Variants in CNTNAP2 observed in about 807,000 individuals in gnomAD.
CNTNAP2 encodes contactin associated protein 2.
CNTNAP2 carries 98 observed loss-of-function variants against 155.2 expected under a neutral mutation model. That is an observed-to-expected ratio of 0.63 (90% CI 0.54 to 0.75). CNTNAP2 has a LOEUF of 0.75. CNTNAP2 is among the 30% of genes least tolerant of loss of function. The pLI is 0.00. For missense variants in CNTNAP2, 1,727 were observed against 1,688.1 expected, an observed-to-expected ratio of 1.02 and a Z score of -0.40; for synonymous variants, 651 against 631.2, an observed-to-expected ratio of 1.03 and a Z score of -0.47.
intron 20 of CNTNAP2, among the ~76,000 whole-genome samples, chr7:148,251,004 T>G (rs1422684678): frequency 6.6e-6 from 1 of 152,156 alleles, no homozygotes; most frequent in Admixed American, 6.5e-5. Flanking sequence ...TGCACCACCA[T>G]GCTCAGCCCA....
chr7:146,586,400 A>G (rs181718899), intron 1 of CNTNAP2, among the ~76,000 whole-genome samples: 18 of 152,252 alleles, frequency 1.2e-4, no homozygotes, highest in Non-Finnish European at 2.6e-4. Context: ...CAAAATCTCT[A>G]CCTACTGAAA....
In CNTNAP2 at chr7:147,775,323, TTATATATATTTATAA is replaced by T. The variant is rs1563084553; in HGVS notation, c.2099-128241_2099-128227del. Among the ~76,000 whole-genome samples, 58 of 29,746 alleles carry T rather than the reference TTATATATATTTATAA, an allele frequency of 1.9e-3. 4 individuals are homozygous for T. The highest frequency in any genetic ancestry group is 0.016 in the African/African-American group (38 of 2,320). 19.5% of individuals were successfully genotyped at this position (29,746 alleles called of 152,430 possible). ...TATATATTTATAAATATATATATAT[TTATATATATTTATAA>T]ATATATATATTTATATATATTTATA... On this transcript the variant is annotated intron_variant, in intron 13 of 23. Transcript: ENST00000361727.
chr7:146,845,593 T>C (rs949856192), intron 3 of CNTNAP2, among the ~76,000 whole-genome samples: 3 of 152,212 alleles, frequency 2.0e-5, no homozygotes, highest in African/African-American at 7.2e-5. Context: ...TAATGACAAT[T>C]TTCAGAATTT....
Position 146,455,066 on chromosome 7 carries a change from C to G in CNTNAP2, c.98-319205C>G, listed in dbSNP as rs1365279044. Among the ~76,000 whole-genome samples the G allele has an allele frequency of 2.0e-5, 3 of 152,110 alleles. No homozygotes were observed. The East Asian group carries it at 5.8e-4, about 29-fold the overall frequency. On this transcript the variant is annotated intron_variant, in intron 1 of 23. Coordinates refer to ENST00000361727, the MANE Select transcript of CNTNAP2 (RefSeq NM_014141.6). The stretch of plus-strand genomic sequence containing the variant: ...CCACCATCTGGAGACTGCTCGGGCT[C>G]CTCTCTCAGTCTGTGGTTTTATGTC...
chr7:147,374,556 T>C (rs1438744065), intron 9 of CNTNAP2, among the ~76,000 whole-genome samples: 2 of 152,100 alleles, frequency 1.3e-5, no homozygotes, highest in African/African-American at 4.8e-5. Flanking sequence ...TATCATACTG[T>C]AAAGTGCTTT....
At chr7:148,294,107 A>G (rs888844435) in intron 21 of CNTNAP2, among the ~76,000 whole-genome samples, 2 of 150,666 alleles carry the variant, frequency 1.3e-5, no homozygotes, top group Non-Finnish European at 3.0e-5. Context: ...AGGAAAAAGC[A>G]GGCGGTGTTT....
intron 3 of CNTNAP2, among the ~76,000 whole-genome samples, chr7:146,958,634 C>G (rs917899221): frequency 6.6e-6 from 1 of 151,530 alleles, no homozygotes; most frequent in Non-Finnish European, 1.5e-5. Flanking sequence ...AGGATGGTGT[C>G]GATCTCCTGA....
intron 16 of CNTNAP2, among the ~76,000 whole-genome samples, chr7:148,129,656 A>G (rs1804786984): frequency 6.6e-6 from 1 of 152,256 alleles, no homozygotes; most frequent in African/African-American, 2.4e-5. Context: ...CTACACTTAG[A>G]GAGACCAGGA....
At chr7:148,386,590 G>T (rs2116665957) in intron 22 of CNTNAP2, among the ~76,000 whole-genome samples, 1 of 152,268 alleles carries the variant, frequency 6.6e-6, no homozygotes, top group South Asian at 2.1e-4. Flanking sequence ...CCTCTTTTAG[G>T]TGAATAGGAA....
rs531537573 is a variant in CNTNAP2, at chr7:147,784,259, G to A, written c.2099-119306G>A. 6.2e-4 allele frequency among the ~76,000 whole-genome samples: 94 copies of A among 150,992 alleles called. 1 individual carries two copies. The highest frequency in any genetic ancestry group is 2.3e-3 in the African/African-American group (93 of 41,198). ...AGATATTTGGGATTAGAACTTCAAC[G>A]TAAAAATTTTTGGAAGACACTATTC... On this transcript the variant is annotated intron_variant, in intron 13 of 23. Transcript: ENST00000361727.
At chr7:146,875,265 A>T (rs1185835289) in intron 3 of CNTNAP2, among the ~76,000 whole-genome samples, 1 of 152,180 alleles carries the variant, frequency 6.6e-6, no homozygotes, top group Admixed American at 6.6e-5. Context: ...AGGGATTCAG[A>T]TAAATAATTC....
intron 9 of CNTNAP2, among the ~76,000 whole-genome samples, chr7:147,336,805 G>GT (rs531891039): frequency 9.9e-5 from 15 of 152,130 alleles, no homozygotes; most frequent in Non-Finnish European, 2.2e-4. Context: ...TAAGACCATG[G>GT]TACTGTTTTT....
chr7:147,800,181 C>A (rs1468706938), intron 13 of CNTNAP2, among the ~76,000 whole-genome samples: 1 of 152,156 alleles, frequency 6.6e-6, no homozygotes, highest in Non-Finnish European at 1.5e-5. Context: ...GTGTCAGATT[C>A]AATCATTCTG....
intron 1 of CNTNAP2, among the ~76,000 whole-genome samples, chr7:146,669,468 C>A (rs946026257): frequency 7.9e-5 from 12 of 152,150 alleles, no homozygotes; most frequent in African/African-American, 2.9e-4. Context: ...TTTGTTATAA[C>A]ATCAATTGCG....
intron 11 of CNTNAP2, among the ~76,000 whole-genome samples, chr7:147,527,015 C>CTTTTTTTTTT (rs888976222): frequency 3.1e-5 from 2 of 65,180 alleles, no homozygotes; most frequent in African/African-American, 1.6e-4. Flanking sequence ...ACAGGCATTT[C>CTTTTTTTTTT]TTTTTTTTTT....
intron 1 of CNTNAP2, among the ~76,000 whole-genome samples, chr7:146,470,571 T>C (rs1796782985): frequency 6.6e-6 from 1 of 152,124 alleles, no homozygotes; most frequent in South Asian, 2.1e-4. Context: ...TATTTTATTT[T>C]ATTTTGTTTC....
intron 21 of CNTNAP2, among the ~76,000 whole-genome samples, chr7:148,329,718 T>A (rs1408005284): frequency 6.6e-6 from 1 of 152,194 alleles, no homozygotes; most frequent in African/African-American, 2.4e-5. Context: ...AGTGCTGGGA[T>A]CATTCTCCCT....
intron 1 of CNTNAP2, among the ~76,000 whole-genome samples, chr7:146,601,518 A>G (rs542544345): frequency 6.6e-6 from 1 of 152,212 alleles, no homozygotes; most frequent in South Asian, 2.1e-4. Flanking sequence ...ACTCGATACT[A>G]TAAATATGTC....
At chr7:147,954,312 A>T (rs926428562) in intron 14 of CNTNAP2, among the ~76,000 whole-genome samples, 1 of 152,062 alleles carries the variant, frequency 6.6e-6, no homozygotes, top group Admixed American at 6.6e-5. Flanking sequence ...GTTATTTCAG[A>T]TGTTATGTTA....
Sources: allele counts gnomAD v4.1 joint callset (sites outside exome capture counted in the v4.1 genomes callset), GRCh38; gene constraint gnomAD v4.1.1; transcripts MANE v1.5; gene names NCBI Gene and HGNC (gene_info 2026-07-23, HGNC 2026-07-21).